The following PDE7B variants were observed in gnomAD, a reference collection of about 807,000 sequenced individuals.
PDE7B encodes the protein phosphodiesterase 7B, also known as 3',5'-cyclic-AMP phosphodiesterase 7B.
Under a neutral mutation model 56.2 loss-of-function variants are expected in PDE7B, and 29 were observed. That is an observed-to-expected ratio of 0.52 (90% CI 0.38 to 0.70). PDE7B has a LOEUF of 0.70. Among genes scored for constraint, PDE7B ranks in the 30% least tolerant of loss-of-function variants. The probability of loss-of-function intolerance (pLI) is 0.00; values close to 1 mark genes in which losing one functional copy is unlikely to be tolerated. For missense variants in PDE7B, 490 were observed against 565.0 expected (o/e 0.87, Z 1.35); for synonymous variants, 197 against 196.9 (o/e 1.00, Z 0.00).
chr6:136,030,915 T>C (rs1210124479), intron 2 of PDE7B, among the ~76,000 whole-genome samples: 1 of 152,282 alleles, frequency 6.6e-6, no homozygotes, highest in Non-Finnish European at 1.5e-5. Flanking sequence ...TTTAAGATTC[T>C]ATCACATATA....
chr6:136,006,608 AT>A (rs1775789563), intron 2 of PDE7B, among the ~76,000 whole-genome samples: 1 of 151,942 alleles, frequency 6.6e-6, no homozygotes, highest in Non-Finnish European at 1.5e-5. Flanking sequence ...TGTAATTCCC[AT>A]TGTAGAGATA....
At chr6:136,011,737 G>A (rs972101260) in intron 2 of PDE7B, among the ~76,000 whole-genome samples, 2 of 152,138 alleles carry the variant, frequency 1.3e-5, no homozygotes, top group African/African-American at 4.8e-5. Flanking sequence ...TGATGAAACA[G>A]CTTCAATTAG....
intron 8 of PDE7B, among the ~76,000 whole-genome samples, chr6:136,171,973 T>C (rs1418864626): frequency 6.6e-6 from 1 of 152,092 alleles, no homozygotes; most frequent in Non-Finnish European, 1.5e-5. Flanking sequence ...GAACTCATCA[T>C]TTTTTATGGC....
At chr6:136,000,632 A>G (rs12192485) in intron 2 of PDE7B, among the ~76,000 whole-genome samples, 45,896 of 152,078 alleles carry the variant, frequency 0.3, 8,478 homozygotes, top group East Asian at 0.45. Context: ...TACTAGTACC[A>G]TGCTGTTTTG....
At chr6:136,111,661 C>T (rs1056452203) in intron 3 of PDE7B, among the ~76,000 whole-genome samples, 18 of 152,194 alleles carry the variant, frequency 1.2e-4, no homozygotes, top group African/African-American at 2.9e-4. Context: ...ATATCATTCA[C>T]GTCCTTGTTG....
chr6:135,924,110 A>G (rs1000497330), intron 1 of PDE7B, among the ~76,000 whole-genome samples: 3 of 152,208 alleles, frequency 2.0e-5, no homozygotes, highest in African/African-American at 7.2e-5. Context: ...ATTTGAATAA[A>G]TTTTCTAGAC....
intron 2 of PDE7B, among the ~76,000 whole-genome samples, chr6:136,076,461 A>G (rs1174256966): frequency 6.6e-6 from 1 of 152,176 alleles, no homozygotes; most frequent in Non-Finnish European, 1.5e-5. Context: ...CAACAGAGCA[A>G]AACTCTGTCT....
intron 2 of PDE7B, among the ~76,000 whole-genome samples, chr6:136,020,428 T>A (rs1295903669): frequency 6.6e-6 from 1 of 152,246 alleles, no homozygotes; most frequent in African/African-American, 2.4e-5. Context: ...CATACGCATA[T>A]GTTATACCAC....
chr6:135,932,478 C>G (rs536067974), intron 1 of PDE7B, among the ~76,000 whole-genome samples: 2 of 151,994 alleles, frequency 1.3e-5, no homozygotes, highest in African/African-American at 4.8e-5. Context: ...AAAAAAATCA[C>G]CATTTCAGCT....
intron 2 of PDE7B, among the ~76,000 whole-genome samples, chr6:136,023,531 G>A (rs1053583312): frequency 6.6e-6 from 1 of 152,198 alleles, no homozygotes; most frequent in Non-Finnish European, 1.5e-5. Flanking sequence ...CTGAGGAGCA[G>A]ATAATTCAGA....
intron 2 of PDE7B, chr6:136,037,957 GA>G: frequency 8.2e-7 from 1 of 1,214,688 alleles, no homozygotes. Context: ...CTCAGTGCCA[GA>G]GAGAGGAGGG....
At chr6:136,008,360 T>G (rs370809484) in intron 2 of PDE7B, among the ~76,000 whole-genome samples, 95 of 152,276 alleles carry the variant, frequency 6.2e-4, no homozygotes, top group Non-Finnish European at 8.2e-4. Flanking sequence ...GTAATGGGAT[T>G]GCTGGGTCAA....
At chr6:135,893,142 T>C (rs1161958732) in intron 1 of PDE7B, among the ~76,000 whole-genome samples, 2 of 151,888 alleles carry the variant, frequency 1.3e-5, no homozygotes, top group East Asian at 3.9e-4. Flanking sequence ...TATGTATACA[T>C]GTGCCATGTT....
At chr6:135,957,082 C>T (rs1271643993) in intron 2 of PDE7B, among the ~76,000 whole-genome samples, 1 of 152,026 alleles carries the variant, frequency 6.6e-6, no homozygotes, top group Non-Finnish European at 1.5e-5. Flanking sequence ...AGTTGTGAGC[C>T]TTAAACCTGC....
At chr6:136,149,472 T>G (rs1778475243) in intron 5 of PDE7B, among the ~76,000 whole-genome samples, 1 of 152,236 alleles carries the variant, frequency 6.6e-6, no homozygotes, top group African/African-American at 2.4e-5. Flanking sequence ...TGTTAGTTGA[T>G]GAAAACTAGA....
chr6:136,048,253 G>C (rs1330842869), intron 2 of PDE7B, among the ~76,000 whole-genome samples: 1 of 152,170 alleles, frequency 6.6e-6, no homozygotes, highest in Admixed American at 6.5e-5. Flanking sequence ...GCTGGGCGCG[G>C]TGGCTCACGG....
At chr6:135,946,123 A>T (rs900897092) in intron 1 of PDE7B, among the ~76,000 whole-genome samples, 1 of 152,010 alleles carries the variant, frequency 6.6e-6, no homozygotes, top group Non-Finnish European at 1.5e-5. Context: ...CTATTTTCAG[A>T]TATTTTCAAC....
intron 3 of PDE7B, among the ~76,000 whole-genome samples, chr6:136,114,145 T>C (rs969926467): frequency 1.1e-4 from 17 of 152,322 alleles, no homozygotes; most frequent in African/African-American, 4.1e-4. Flanking sequence ...AATTTGCTAA[T>C]CTTGATCTTT....
chr6:135,916,203 CCA>C (rs773246645), intron 1 of PDE7B, among the ~76,000 whole-genome samples: 1 of 152,008 alleles, frequency 6.6e-6, no homozygotes, highest in Non-Finnish European at 1.5e-5. Context: ...CCACGTGCTG[CCA>C]CAGTTTCTTC....
Sources: gnomAD v4.1 joint callset for allele counts (sites outside exome capture counted in the v4.1 genomes callset) on GRCh38, gnomAD v4.1.1 for gene constraint, MANE v1.5 for transcripts, NCBI Gene and HGNC (gene_info 2026-07-23, HGNC 2026-07-21) for gene names.